The following PYROXD2 variants were observed in gnomAD, a reference collection of about 807,000 sequenced individuals.
The protein encoded by PYROXD2 is pyridine nucleotide-disulphide oxidoreductase domain 2.
PYROXD2 carries 69 observed loss-of-function variants against 71.1 expected under a neutral mutation model. The observed-to-expected ratio is 0.97, with a 90% CI of 0.80 to 1.19. The LOEUF (loss-of-function observed/expected upper bound fraction) is 1.19, where lower values mean the gene tolerates loss of function less well. Among genes scored for constraint, PYROXD2 ranks in the 50% most tolerant of loss-of-function variants. The pLI is 0.00. For synonymous variants in PYROXD2, 287 were observed against 302.7 expected, an observed-to-expected ratio of 0.95 and a Z score of 0.54; for missense variants, 745 against 748.9, an observed-to-expected ratio of 0.99 and a Z score of 0.06.
chr10:98,409,022 A>G (rs1208223718), intron 2 of PYROXD2, among the ~76,000 whole-genome samples: 2 of 152,176 alleles, frequency 1.3e-5, no homozygotes, highest in Admixed American at 6.5e-5. Context: ...TCCTCCTAAC[A>G]TAACCTCCTA....
chr10:98,385,449 G>A (rs1048059640), intron 14 of PYROXD2, among the ~76,000 whole-genome samples: 2 of 152,222 alleles, frequency 1.3e-5, no homozygotes, highest in African/African-American at 2.4e-5. Context: ...ACCTGAGCCC[G>A]GACCCCGGTG....
chr10:98,392,307 C>T (rs776123208), intron 10 of PYROXD2, 125 bp downstream of exon 10: 27 of 1,477,950 alleles, frequency 1.8e-5, no homozygotes, highest in Non-Finnish European at 2.1e-5. Context: ...CCCCTGTTTC[C>T]CAAATGCAGA....
At position 98,385,043 on chromosome 10, in the gene PYROXD2, G is replaced by A. The variant is rs1842706191; in HGVS notation, c.1579C>T (p.Leu527=). Residue 527 remains leucine (L), a synonymous_variant, in exon 15 of 16, where the codon CTG becomes TTG. Transcript: ENST00000370575. ...GGGCGGGCGAAGTAGAGCTGGTCCAGGGACATGGCGCAGTGGAATATGTTC... is the reference window on the plus strand; with the variant it reads ...GGGCGGGCGAAGTAGAGCTGGTCCAAGGACATGGCGCAGTGGAATATGTTC... ...GGNIFHCAMS[L]DQLYFARPVP... is the part of the protein sequence containing the mutation. The A allele has an allele frequency of 1.2e-6, 2 of 1,613,898 alleles. No homozygotes were observed. The highest frequency in any genetic ancestry group is 1.7e-6 in the Non-Finnish European group (2 of 1,179,910).
intron 4 of PYROXD2, among the ~76,000 whole-genome samples, chr10:98,404,399 C>G (rs1843523858): frequency 6.6e-6 from 1 of 152,156 alleles, no homozygotes; most frequent in Admixed American, 6.5e-5. Flanking sequence ...ATGAATCATT[C>G]TTTGCCCAAT....
rs1842997489 is a variant in PYROXD2, at chr10:98,392,965, C to T, written c.904G>A (p.Gly302Arg). 1.9e-6 allele frequency: 3 copies of T among 1,613,986 alleles called. No homozygotes were observed. Among genetic ancestry groups the T allele is most frequent in the Non-Finnish European group, 2.5e-6 (3 of 1,179,924 alleles). ...DAIASSATTH[G>R]ASIFTEKTVA... ...ACCTTTTCAGTGAAGATGCTTGCTC[C>T]ATGTGTGGTGGCTGAGCTTGCGATC... is the stretch of plus-strand genomic sequence containing the variant. Residue 302 changes from glycine (G) to arginine (R), a missense_variant, in exon 9 of 16, where the codon GGA (glycine) becomes AGA (arginine). Coordinates refer to ENST00000370575, the MANE Select transcript of PYROXD2 (RefSeq NM_032709.3).
intron 1 of PYROXD2, chr10:98,414,662 A>C (rs1362516513): frequency 5.2e-6 from 1 of 193,660 alleles, no homozygotes. Context: ...AACCCTTACA[A>C]ACCATAGGCT....
At chr10:98,395,726 G>C (rs1429415886) in intron 6 of PYROXD2, among the ~76,000 whole-genome samples, 1 of 152,208 alleles carries the variant, frequency 6.6e-6, no homozygotes, top group Non-Finnish European at 1.5e-5. Flanking sequence ...AGGATTAAAT[G>C]AGCTAGGTAA....
Position 98,392,413 on chromosome 10 carries a change from C to A in PYROXD2, c.1062+19G>T. The A allele has an allele frequency of 6.2e-7, 1 of 1,611,798 alleles. No individual in the cohort carries two copies. Among genetic ancestry groups the A allele is most frequent in the East Asian group, 2.2e-5 (1 of 44,864 alleles). On this transcript the variant is annotated intron_variant, in intron 10 of 15. Coordinates refer to ENST00000370575, the MANE Select transcript of PYROXD2 (RefSeq NM_032709.3). ...TTTTGGCAGACATCTAAGCTCCACC[C>A]TCCTGCCCACAGCCTCACCTGTGGC...
chr10:98,392,653 C>T, intron 9 of PYROXD2, 87 bp from the exon 10 acceptor site: 1 of 1,552,282 alleles, frequency 6.4e-7, no homozygotes, highest in South Asian at 1.2e-5. Flanking sequence ...CTGTGCTGCT[C>T]CTAGGCATTC....
intron 13 of PYROXD2, among the ~76,000 whole-genome samples, chr10:98,387,662 TCA>T (rs1334445202): frequency 5.9e-5 from 8 of 135,172 alleles, no homozygotes; most frequent in Admixed American, 3.2e-4. Flanking sequence ...AGACGGAGTC[TCA>T]CTCTGTCACC....
intron 13 of PYROXD2, chr10:98,387,798 AT>A: frequency 1.2e-5 from 2 of 172,896 alleles, no homozygotes; most frequent in Admixed American, 5.7e-5. Flanking sequence ...CACCCTGCTA[AT>A]TTTTTTATGT....
At chr10:98,410,632 G>T in intron 2 of PYROXD2, 1 of 461,680 alleles carries the variant, frequency 2.2e-6, no homozygotes. Flanking sequence ...TGCTGTGTTG[G>T]TTACATGCTT....
intron 6 of PYROXD2, among the ~76,000 whole-genome samples, 157 bp downstream of exon 6, chr10:98,397,187 CA>C (rs1025777027): frequency 6.6e-6 from 1 of 152,242 alleles, no homozygotes; most frequent in African/African-American, 2.4e-5. Context: ...ATGCTCTCAA[CA>C]AAGTGCTCCA....
intron 4 of PYROXD2, among the ~76,000 whole-genome samples, chr10:98,402,867 C>T (rs1212703619): frequency 2.0e-5 from 3 of 152,206 alleles, no homozygotes; most frequent in East Asian, 1.9e-4. Context: ...TTTTGTTCAC[C>T]GCTGTACCCT....
At chr10:98,405,167 G>T (rs567321718) in intron 4 of PYROXD2, among the ~76,000 whole-genome samples, 1 of 152,314 alleles carries the variant, frequency 6.6e-6, no homozygotes, top group East Asian at 1.9e-4. Flanking sequence ...TCCAGCGCAG[G>T]GCCGCTGCAA....
At chr10:98,404,224 G>A (rs1221319218) in intron 4 of PYROXD2, among the ~76,000 whole-genome samples, 1 of 152,202 alleles carries the variant, frequency 6.6e-6, no homozygotes, top group Non-Finnish European at 1.5e-5. Flanking sequence ...TGTTTAAACT[G>A]CGTTCAAATA....
intron 4 of PYROXD2, among the ~76,000 whole-genome samples, chr10:98,404,143 A>C (rs555541054): frequency 5.3e-5 from 8 of 152,342 alleles, no homozygotes; most frequent in African/African-American, 1.9e-4. Flanking sequence ...ATAACCTAGA[A>C]GGAGGCGTAA....
In PYROXD2 at chr10:98,395,401, G is replaced by A. The variant is rs769196823; in HGVS notation, c.677C>T (p.Pro226Leu). Reference protein sequence around the residue: ...LPRYYEVLTAPITKVLDQWFE... With the variant: ...LPRYYEVLTALITKVLDQWFE... ...TGGGGAACCACTCACCTTGGTAATG[G>A]GAGCTGTGAGGACCTCATAATATCG... is the stretch of plus-strand genomic sequence containing the variant. Residue 226 changes from proline (P) to leucine (L), a missense_variant, in exon 7 of 16, where the codon CCC (proline) becomes CTC (leucine). By Grantham distance (98) the Pro-to-Leu change is moderately conservative. Coordinates refer to ENST00000370575, the MANE Select transcript of PYROXD2 (RefSeq NM_032709.3). 1 of 1,614,202 alleles carries A rather than the reference G, an allele frequency of 6.2e-7. No individual in the cohort carries two copies. Among genetic ancestry groups the A allele is most frequent in the Non-Finnish European group, 8.5e-7 (1 of 1,180,006 alleles).
Position 98,407,590 on chromosome 10 carries a change from C to G in PYROXD2, c.307G>C (p.Glu103Gln). 1.2e-6 allele frequency: 2 copies of G among 1,613,864 alleles called. No homozygotes were observed. Among genetic ancestry groups the G allele is most frequent in the Non-Finnish European group, 8.5e-7 (1 of 1,180,002 alleles). Reference protein sequence around the residue: ...LLRPQIYTDLELKKHGLRLHL... With the variant: ...LLRPQIYTDLQLKKHGLRLHL... Reference sequence around the variant, plus strand: ...CGGCGGGGGGGCCCTACCTTCAGCTCCAGATCAGTGTAAATCTGCGGCCTC... The same window carrying G: ...CGGCGGGGGGGCCCTACCTTCAGCTGCAGATCAGTGTAAATCTGCGGCCTC... Residue 103 changes from glutamate (E) to glutamine (Q), a missense_variant, in exon 4 of 16, where the codon GAG becomes CAG. Coordinates refer to ENST00000370575, the MANE Select transcript of PYROXD2 (RefSeq NM_032709.3).
Sources: allele counts gnomAD v4.1 joint callset (sites outside exome capture counted in the v4.1 genomes callset), GRCh38; gene constraint gnomAD v4.1.1; transcripts MANE v1.5; gene names NCBI Gene and HGNC (gene_info 2026-07-23, HGNC 2026-07-21).